CFAP299: variants seen among roughly 807,000 people sequenced by gnomAD.
CFAP299 encodes cilia- and flagella-associated protein 299.
Under a neutral mutation model 27.0 loss-of-function variants are expected in CFAP299, and 21 were observed. The ratio of observed to expected loss-of-function variants is 0.78; its 90% confidence interval spans 0.55 to 1.12. CFAP299 has a LOEUF of 1.12. Ranked by LOEUF, CFAP299 falls within the 50% of genes most tolerant of loss-of-function variation. The probability of loss-of-function intolerance (pLI) is 0.00; values close to 1 mark genes in which losing one functional copy is unlikely to be tolerated. For missense variants in CFAP299, 310 were observed against 276.6 expected, an observed-to-expected ratio of 1.12 and a Z score of -0.86; for synonymous variants, 104 against 98.1, an observed-to-expected ratio of 1.06 and a Z score of -0.36.
intron 3 of CFAP299, among the ~76,000 whole-genome samples, chr4:80,822,435 G>A (rs897059903): frequency 2.0e-5 from 3 of 152,154 alleles, no homozygotes; most frequent in African/African-American, 4.8e-5. Flanking sequence ...ACCATATGAT[G>A]AGAGTAGTTT....
At chr4:80,372,933 G>A (rs1724218428) in intron 2 of CFAP299, among the ~76,000 whole-genome samples, 1 of 152,154 alleles carries the variant, frequency 6.6e-6, no homozygotes. Context: ...TAGCTACATA[G>A]TATCTATCTG....
intron 3 of CFAP299, among the ~76,000 whole-genome samples, chr4:80,721,638 A>C (rs1178958466): frequency 6.6e-6 from 1 of 152,232 alleles, no homozygotes; most frequent in Non-Finnish European, 1.5e-5. Context: ...GGGGAACTCA[A>C]TTCAGCCCAT....
At chr4:80,828,887 C>T (rs1730140011) in intron 3 of CFAP299, among the ~76,000 whole-genome samples, 1 of 151,670 alleles carries the variant, frequency 6.6e-6, no homozygotes, top group African/African-American at 2.4e-5. Flanking sequence ...TATCTGCATG[C>T]AAAAAATGAA....
At chr4:80,424,487 G>A (rs1317510677) in intron 2 of CFAP299, among the ~76,000 whole-genome samples, 1 of 152,192 alleles carries the variant, frequency 6.6e-6, no homozygotes, top group Admixed American at 6.5e-5. Context: ...GAGGCACTGA[G>A]GATGAGGCAG....
In CFAP299 at chr4:80,839,397, G is replaced by C. The variant is rs180957623; in HGVS notation, c.334-30596G>C. Among the ~76,000 whole-genome samples, 356 of 152,158 alleles carry C rather than the reference G, an allele frequency of 2.3e-3. 1 individual carries two copies. Among genetic ancestry groups the C allele is most frequent in the African/African-American group, 8.1e-3 (338 of 41,536 alleles). On this transcript the variant is annotated intron_variant, in intron 3 of 5. Coordinates refer to ENST00000358105, the MANE Select transcript of CFAP299 (RefSeq NM_152770.3). The stretch of plus-strand genomic sequence containing the variant: ...GGAAGGAAATACTGTCTCTTGTTCT[G>C]TTGAATTCACAGACCAATTTGAAGT...
chr4:80,515,454 T>C (rs200002974), intron 2 of CFAP299, among the ~76,000 whole-genome samples: 35 of 152,278 alleles, frequency 2.3e-4, no homozygotes, highest in Admixed American at 8.5e-4. Context: ...CTTTAAAAAA[T>C]TGGCAAAACT....
At chr4:80,516,937 C>T (rs909075643) in intron 2 of CFAP299, among the ~76,000 whole-genome samples, 12 of 152,120 alleles carry the variant, frequency 7.9e-5, no homozygotes, top group Admixed American at 7.9e-4. Context: ...AATCATATCC[C>T]CTAGGGCAGC....
chr4:80,649,313 G>A (rs1169777305), intron 3 of CFAP299: 3 of 152,158 alleles, frequency 2.0e-5, no homozygotes, highest in Admixed American at 6.6e-5. Context: ...AAAGTGTTAT[G>A]GGAGACCCTG....
At chr4:80,762,387 G>A (rs577254238) in intron 3 of CFAP299, among the ~76,000 whole-genome samples, 3 of 152,036 alleles carry the variant, frequency 2.0e-5, no homozygotes, top group Non-Finnish European at 4.4e-5. Context: ...CAGTCCTGTT[G>A]TCTGAGTGTC....
chr4:80,928,739 T>G (rs1736430282), intron 4 of CFAP299, among the ~76,000 whole-genome samples: 1 of 152,146 alleles, frequency 6.6e-6, no homozygotes, highest in Non-Finnish European at 1.5e-5. Flanking sequence ...TAAAATCTCT[T>G]TAGTCTAAGA....
At chr4:80,337,876 T>C (rs1170861280) in intron 1 of CFAP299, among the ~76,000 whole-genome samples, 1 of 152,196 alleles carries the variant, frequency 6.6e-6, no homozygotes, top group Non-Finnish European at 1.5e-5. Context: ...TATATATGTT[T>C]ACATATATAT....
chr4:80,571,913 A>G (rs1033350987), intron 2 of CFAP299, among the ~76,000 whole-genome samples: 3 of 152,198 alleles, frequency 2.0e-5, no homozygotes, highest in Non-Finnish European at 4.4e-5. Context: ...AGTGTATGCC[A>G]TTTGCCACGG....
intron 3 of CFAP299, among the ~76,000 whole-genome samples, chr4:80,706,319 C>G (rs1007643320): frequency 6.6e-6 from 1 of 151,536 alleles, no homozygotes; most frequent in East Asian, 1.9e-4. Flanking sequence ...CAGAACCCCC[C>G]TGTATTGTCT....
intron 2 of CFAP299, among the ~76,000 whole-genome samples, chr4:80,515,291 G>A (rs1401347334): frequency 6.6e-6 from 1 of 152,080 alleles, no homozygotes; most frequent in African/African-American, 2.4e-5. Flanking sequence ...TTACACTAAT[G>A]GTTCAGGTTG....
chr4:80,670,918 A>G (rs1174882497), intron 3 of CFAP299, among the ~76,000 whole-genome samples: 1 of 151,972 alleles, frequency 6.6e-6, no homozygotes, highest in African/African-American at 2.4e-5. Flanking sequence ...GATTGCAAAA[A>G]TTTTCTCCCA....
chr4:80,674,744 C>A (rs1238272214), intron 3 of CFAP299, among the ~76,000 whole-genome samples: 1 of 151,322 alleles, frequency 6.6e-6, no homozygotes, highest in Non-Finnish European at 1.5e-5. Flanking sequence ...TTTCTCTAAA[C>A]TTCTCCTCTT....
At chr4:80,825,567 T>G (rs1383322810) in intron 3 of CFAP299, among the ~76,000 whole-genome samples, 1 of 151,970 alleles carries the variant, frequency 6.6e-6, no homozygotes, top group African/African-American at 2.4e-5. Flanking sequence ...TCAGAAACTT[T>G]TGAGGTCAGA....
intron 2 of CFAP299, among the ~76,000 whole-genome samples, chr4:80,529,966 A>G (rs1419863995): frequency 6.6e-6 from 1 of 152,228 alleles, no homozygotes; most frequent in Non-Finnish European, 1.5e-5. Context: ...TTATAAAAAC[A>G]GTATTTAAAG....
At chr4:80,345,340 A>G (rs1294074967) in intron 1 of CFAP299, among the ~76,000 whole-genome samples, 2 of 151,988 alleles carry the variant, frequency 1.3e-5, no homozygotes, top group African/African-American at 2.4e-5. Flanking sequence ...TTTGTTACAT[A>G]TGTATATATG....
Sources: gnomAD v4.1 joint callset for allele counts (sites outside exome capture counted in the v4.1 genomes callset) on GRCh38, gnomAD v4.1.1 for gene constraint, MANE v1.5 for transcripts, NCBI Gene and HGNC (gene_info 2026-07-23, HGNC 2026-07-21) for gene names.